Variants in MROH7 observed in about 807,000 individuals in gnomAD.
MROH7 encodes maestro heat-like repeat-containing protein family member 7.
MROH7 carries 113 observed loss-of-function variants against 129.2 expected under a neutral mutation model. The ratio of observed to expected loss-of-function variants is 0.87; its 90% CI spans 0.75 to 1.02. The LOEUF (loss-of-function observed/expected upper bound fraction) is 1.02. Among genes scored for constraint, MROH7 ranks in the 50% least tolerant of loss-of-function variants. MROH7 has a pLI of 0.00. For missense variants in MROH7, 1,601 were observed against 1,671.3 expected (o/e 0.96, Z 0.73); for synonymous variants, 655 against 667.9 (o/e 0.98, Z 0.30).
chr1:54,670,487 CCCTGT>C lies in MROH7; in HGVS notation c.1390-7_1390-3del. 6.2e-7 allele frequency: 1 copy of C among 1,613,250 alleles called. No homozygotes were observed. The highest frequency in any genetic ancestry group is 2.2e-5 in the East Asian group (1 of 44,840). Reference sequence around the variant, plus strand: ...TGTCCTCATCGGCCCTTCTGTGGCCCCCTGTCCAGAGGCAGATCCAGGAGGAGCCA... The same window carrying C: ...TGTCCTCATCGGCCCTTCTGTGGCCCCCAGAGGCAGATCCAGGAGGAGCCA... On this transcript the variant is annotated splice_region_variant and splice_polypyrimidine_tract_variant and intron_variant, in intron 5 of 23. Coordinates refer to ENST00000421030, the MANE Select transcript of MROH7 (RefSeq NM_001039464.4).
At chr1:54,644,323 T>C (rs1445376978) in intron 1 of MROH7, among the ~76,000 whole-genome samples, 2 of 143,558 alleles carry the variant, frequency 1.4e-5, no homozygotes, top group Non-Finnish European at 3.1e-5. Flanking sequence ...CCTCTCTTTC[T>C]TTCTCTTCTC....
At position 54,663,691 on chromosome 1, in the gene MROH7, AAAAAAAAAAAC is replaced by A. The variant is rs1309687739; in HGVS notation, c.1232-1462_1232-1452del. ...GCCCGGCCCCCATCAGCTCTAAAAA[AAAAAAAAAAAC>A]AAAAAAAAAACAAGCTTTTGTGTCC... On this transcript the variant is annotated intron_variant, in intron 3 of 23. Transcript: ENST00000421030. 10 of 398,318 alleles carry A rather than the reference AAAAAAAAAAAC, an allele frequency of 2.5e-5. No homozygotes were observed. In the East Asian group the frequency reaches 4.6e-4, roughly 18 times the overall value. The allele number at this position is 398,318 out of a possible 1,614,324, so 24.7% of individuals were successfully genotyped here.
Position 54,666,425 on chromosome 1 carries a change from A to ATTTTTTT in MROH7, c.1305+1206_1305+1212dup, listed in dbSNP as rs71048704. ...GGTTATAGGAGGCGGGAGAAGAGGA[A>ATTTTTTT]TTTTTTTTTTTTTTTTTTTTTTTTT... On this transcript the variant is annotated intron_variant, in intron 4 of 23. Transcript: ENST00000421030. Among the ~76,000 whole-genome samples the ATTTTTTT allele has an allele frequency of 5.0e-3, 349 of 69,212 alleles. 26 individuals carry two copies. The highest frequency in any genetic ancestry group is 0.012 in the African/African-American group (239 of 20,026). 45.4% of individuals were successfully genotyped at this position (69,212 alleles called of 152,430 possible).
At chr1:54,686,552 G>A (rs1019465854) in intron 15 of MROH7, 104 bp downstream of exon 15, 24 of 1,036,648 alleles carry the variant, frequency 2.3e-5, no homozygotes, top group Non-Finnish European at 3.2e-5. Context: ...ATAGAAATCA[G>A]CTTTGGGACT....
rs765968427 is a variant in MROH7, at chr1:54,701,320, G to A, written c.3283G>A (p.Asp1095Asn). The A allele has an allele frequency of 1.9e-6, 3 of 1,586,432 alleles. No individual in the cohort carries two copies. Among genetic ancestry groups the A allele is most frequent in the East Asian group, 2.2e-5 (1 of 44,452 alleles). The part of the protein sequence containing the change: ...MLQILLPHFS[D>N]AREVVRSSCI... ...GCAGATCCTGCTGCCGCACTTCAGC[G>A]ACGTGAGGACCTCACAGAGCGAAGG... Residue 1095 changes from aspartate to asparagine, a missense_variant and splice_region_variant, in exon 19 of 24, where the codon GAC becomes AAC. Asp to Asn is a conservative substitution (Grantham distance 23, BLOSUM62 1). Coordinates refer to ENST00000421030, the MANE Select transcript of MROH7 (RefSeq NM_001039464.4).
chr1:54,662,289 A>C (rs1164587697), intron 3 of MROH7, among the ~76,000 whole-genome samples: 1 of 152,116 alleles, frequency 6.6e-6, no homozygotes, highest in Non-Finnish European at 1.5e-5. Flanking sequence ...TAATCCCAGC[A>C]CTTTTGGAGG....
chr1:54,709,966 G>T lies in MROH7; in HGVS notation c.3751G>T (p.Asp1251Tyr). The T allele has an allele frequency of 6.2e-7, 1 of 1,613,148 alleles. No individual in the cohort carries two copies. The highest frequency in any genetic ancestry group is 1.1e-5 in the South Asian group (1 of 91,024). Residue 1251 changes from aspartate (D) to tyrosine (Y), a missense_variant, in exon 24 of 24, where the codon GAC becomes TAC. Physicochemically the swap from Asp to Tyr is radical, Grantham distance 160. Coordinates refer to ENST00000421030, the MANE Select transcript of MROH7 (RefSeq NM_001039464.4). ...VKAALDNLRH[D>Y]PEASVCIYAA... ...CGCAGCTCTGGATAACTTGAGACATGACCCAGAAGCATCAGTGTGCATCTA... is the reference window on the plus strand; with the variant it reads ...CGCAGCTCTGGATAACTTGAGACATTACCCAGAAGCATCAGTGTGCATCTA...
At chr1:54,668,323 C>T (rs1557701998) in intron 4 of MROH7, among the ~76,000 whole-genome samples, 1 of 152,194 alleles carries the variant, frequency 6.6e-6, no homozygotes. Context: ...TTCAATATGC[C>T]ACACACCTCA....
chr1:54,692,099 G>C (rs181962889), intron 15 of MROH7, among the ~76,000 whole-genome samples: 2 of 152,080 alleles, frequency 1.3e-5, no homozygotes, highest in African/African-American at 4.8e-5. Flanking sequence ...AGAAGGACTC[G>C]GCCCACATAG....
chr1:54,708,333 A>G (rs1374545433), intron 22 of MROH7, among the ~76,000 whole-genome samples: 1 of 152,190 alleles, frequency 6.6e-6, no homozygotes, highest in African/African-American at 2.4e-5. Flanking sequence ...AGGCTGAGGC[A>G]GGAGGACTGC....
rs888804255 is a variant in MROH7 at position 54,673,606 on chromosome 1, A to T, written c.1696-95A>T. 7 of 879,622 alleles carry T rather than the reference A, an allele frequency of 8.0e-6. No homozygotes were observed. In the African/African-American group the frequency reaches 8.3e-5, roughly 10 times the overall value. 54.5% of individuals were successfully genotyped at this position (879,622 alleles called of 1,614,324 possible). The stretch of plus-strand genomic sequence containing the variant: ...GTGGTGACCTTTATACCCTCTCTGG[A>T]AGCTTCCTGCTGATGGGTGAAGGCT... On this transcript the variant is annotated intron_variant, in intron 8 of 23. Coordinates refer to ENST00000421030, the MANE Select transcript of MROH7 (RefSeq NM_001039464.4).
chr1:54,670,899 G>A lies in MROH7; in HGVS notation c.1569G>A (p.Glu523=), dbSNP rs1376762730. Residue 523 remains glutamate, a synonymous_variant, in exon 7 of 24, where the codon GAG becomes GAA. Coordinates refer to ENST00000421030, the MANE Select transcript of MROH7 (RefSeq NM_001039464.4). Reference sequence around the variant, plus strand: ...TGCCCTCCGTGCAGGCGATGCAGGAGAAGGACGAGGCCAAGGCTGAGACCA... The same window carrying A: ...TGCCCTCCGTGCAGGCGATGCAGGAAAAGGACGAGGCCAAGGCTGAGACCA... The part of the protein sequence containing the change: ...FSLPSVQAMQ[E]KDEAKAETIQ... 5 of 1,610,006 alleles carry A rather than the reference G, an allele frequency of 3.1e-6. No individual in the cohort carries two copies. The highest frequency in any genetic ancestry group is 1.3e-5 in the African/African-American group (1 of 74,870).
At chr1:54,707,947 G>A (rs1442734436) in intron 22 of MROH7, among the ~76,000 whole-genome samples, 2 of 152,098 alleles carry the variant, frequency 1.3e-5, no homozygotes, top group Non-Finnish European at 2.9e-5. Context: ...TCTGGTGGGA[G>A]ATAAAATTCA....
At chr1:54,693,331 T>A (rs1222222867) in intron 16 of MROH7, among the ~76,000 whole-genome samples, 1 of 152,106 alleles carries the variant, frequency 6.6e-6, no homozygotes, top group Non-Finnish European at 1.5e-5. Flanking sequence ...GTGCCTGTAG[T>A]CCCAGCCACT....
chr1:54,684,578 A>T (rs1299868256), intron 14 of MROH7, among the ~76,000 whole-genome samples: 1 of 152,276 alleles, frequency 6.6e-6, no homozygotes, highest in Non-Finnish European at 1.5e-5. Flanking sequence ...TTTGAGCAAG[A>T]TAGAGCCGAA....
chr1:54,673,560 C>A (rs1204565368), intron 8 of MROH7, 141 bp from the exon 9 acceptor site: 2 of 673,200 alleles, frequency 3.0e-6, no homozygotes, highest in Non-Finnish European at 5.3e-6. Flanking sequence ...CTGCCTATAC[C>A]CCAAGAAGAG....
At chr1:54,692,862 C>T (rs144576132) in intron 16 of MROH7, among the ~76,000 whole-genome samples, 3 of 152,148 alleles carry the variant, frequency 2.0e-5, no homozygotes, top group African/African-American at 7.2e-5. Flanking sequence ...GGTGGTATAA[C>T]CAAGTTGTTG....
chr1:54,700,073 C>T, intron 17 of MROH7: 2 of 683,626 alleles, frequency 2.9e-6, no homozygotes, highest in Non-Finnish European at 5.4e-6. Context: ...AATGAGGCCA[C>T]AGGATCTCAT....
intron 17 of MROH7, among the ~76,000 whole-genome samples, chr1:54,696,947 CA>C (rs1174833892): frequency 2.0e-5 from 3 of 152,132 alleles, no homozygotes; most frequent in Non-Finnish European, 4.4e-5. Flanking sequence ...GCTGGAATTA[CA>C]GGTGTGAGCC....
Sources: gnomAD v4.1 joint callset for allele counts (sites outside exome capture counted in the v4.1 genomes callset) on GRCh38, gnomAD v4.1.1 for gene constraint, MANE v1.5 for transcripts, NCBI Gene and HGNC (gene_info 2026-07-23, HGNC 2026-07-21) for gene names.